The following PRKCE variants were observed in gnomAD, a reference collection of about 807,000 sequenced individuals.
PRKCE encodes protein kinase C epsilon.
A neutral mutation model predicts 85.4 loss-of-function variants in PRKCE; 16 were observed. The ratio of observed to expected loss-of-function variants is 0.19; its 90% CI spans 0.13 to 0.28. The LOEUF is 0.28. PRKCE is among the 10% of genes least tolerant of loss of function. The probability of loss-of-function intolerance (pLI) is 1.00; values close to 1 mark genes in which losing one functional copy is unlikely to be tolerated. For synonymous variants in PRKCE, 388 were observed against 371.5 expected (o/e 1.04, Z -0.51); for missense variants, 573 against 975.2 (o/e 0.59, Z 5.49).
intron 10 of PRKCE, among the ~76,000 whole-genome samples, chr2:46,018,479 A>G (rs934697224): frequency 6.6e-6 from 1 of 152,222 alleles, no homozygotes; most frequent in Admixed American, 6.5e-5. Context: ...CAAAAAAAAA[A>G]ATTTTTTTAA....
In PRKCE at chr2:45,843,049, G is replaced by A. The variant is rs1467365418; in HGVS notation, c.398G>A (p.Gly133Glu). 3.1e-6 allele frequency: 5 copies of A among 1,614,038 alleles called. No individual in the cohort carries two copies. The African/African-American group carries it at 6.7e-5, about 22-fold the overall frequency. ...GTGTATGTGATCATCGATCTCTCAG[G>A]GTCGTCGGGTGAAGGTAGGAGAGCG... ...GRVYVIIDLS[G>E]SSGEAPKDNE... The change falls in exon 2 of 15, where the codon GGG becomes GAG. Residue 133 changes from glycine (G) to glutamate (E), a missense_variant. Coordinates refer to ENST00000306156, the MANE Select transcript of PRKCE (RefSeq NM_005400.3).
At chr2:45,913,930 CA>C (rs1370610522) in intron 2 of PRKCE, among the ~76,000 whole-genome samples, 1 of 152,070 alleles carries the variant, frequency 6.6e-6, no homozygotes, top group Non-Finnish European at 1.5e-5. Flanking sequence ...CTTAGAAAAA[CA>C]AGAATTTGTA....
At chr2:45,732,793 GAAC>G (rs1328649156) in intron 1 of PRKCE, among the ~76,000 whole-genome samples, 6 of 152,116 alleles carry the variant, frequency 3.9e-5, no homozygotes, top group African/African-American at 9.6e-5. Flanking sequence ...TCTGACCACA[GAAC>G]AACAACAACA....
chr2:45,876,104 A>C (rs1465768521), intron 2 of PRKCE, among the ~76,000 whole-genome samples: 1 of 152,182 alleles, frequency 6.6e-6, no homozygotes, highest in Non-Finnish European at 1.5e-5. Flanking sequence ...GACATTACTG[A>C]GTACCTGTAT....
intron 1 of PRKCE, among the ~76,000 whole-genome samples, chr2:45,671,695 A>G (rs1192628819): frequency 2.0e-5 from 3 of 152,208 alleles, no homozygotes; most frequent in Non-Finnish European, 4.4e-5. Context: ...GCTATATAAT[A>G]AGAGATATTC....
At chr2:46,165,510 A>G (rs1678252180) in intron 14 of PRKCE, among the ~76,000 whole-genome samples, 1 of 152,238 alleles carries the variant, frequency 6.6e-6, no homozygotes, top group Non-Finnish European at 1.5e-5. Context: ...GATGCTGGAG[A>G]AAATCTCCAA....
At chr2:45,780,832 C>A (rs1192246061) in intron 1 of PRKCE, among the ~76,000 whole-genome samples, 2 of 152,214 alleles carry the variant, frequency 1.3e-5, no homozygotes, top group African/African-American at 4.8e-5. Flanking sequence ...TAACATGTTT[C>A]TATTTTCTAA....
chr2:45,795,862 T>C (rs1687397995), intron 1 of PRKCE, among the ~76,000 whole-genome samples: 1 of 152,206 alleles, frequency 6.6e-6, no homozygotes, highest in Admixed American at 6.5e-5. Flanking sequence ...CAGAGTTGTC[T>C]TCTGCAGGTT....
At chr2:46,130,087 T>C (rs1044753330) in intron 11 of PRKCE, among the ~76,000 whole-genome samples, 6 of 152,204 alleles carry the variant, frequency 3.9e-5, no homozygotes, top group African/African-American at 1.4e-4. Context: ...ATGACAGATT[T>C]TGTTCTTGTG....
chr2:46,115,098 G>C (rs1574506570), intron 11 of PRKCE, among the ~76,000 whole-genome samples: 1 of 152,158 alleles, frequency 6.6e-6, no homozygotes, highest in East Asian at 1.9e-4. Context: ...TGATGTTCCT[G>C]CTTGATCACA....
chr2:46,136,154 T>C (rs906258681), intron 11 of PRKCE, among the ~76,000 whole-genome samples: 1 of 152,152 alleles, frequency 6.6e-6, no homozygotes, highest in Non-Finnish European at 1.5e-5. Flanking sequence ...AGGAATTTGC[T>C]GTTATTTCTG....
chr2:45,677,839 A>G, intron 1 of PRKCE: 1 of 985,428 alleles, frequency 1.0e-6, no homozygotes, highest in Non-Finnish European at 1.2e-6. Context: ...CAGAGACACA[A>G]CCGCTTCAGA....
rs529429894 is a variant in PRKCE, at chr2:46,138,110, AT to A, written c.1593-6980del. ...ATTTTAAAAGTACATTGTTTAGGGA[AT>A]TTCCTTTCTTGTCATGTTGTGATTT... On this transcript the variant is annotated intron_variant, in intron 11 of 14. Coordinates refer to ENST00000306156, the MANE Select transcript of PRKCE (RefSeq NM_005400.3). The surrounding 1 kb of genome is among the most constrained non-coding windows in gnomAD (Gnocchi z 4.2). Among the ~76,000 whole-genome samples, 45 of 152,266 alleles carry A rather than the reference AT, an allele frequency of 3.0e-4. No individual in the cohort carries two copies. Among genetic ancestry groups the A allele is most frequent in the Middle Eastern group, 3.4e-3 (1 of 294 alleles).
At chr2:45,670,590 A>C (rs1488916386) in intron 1 of PRKCE, among the ~76,000 whole-genome samples, 1 of 152,226 alleles carries the variant, frequency 6.6e-6, no homozygotes, top group Non-Finnish European at 1.5e-5. Context: ...ATTGCCCCAG[A>C]ACACAGTTTC....
intron 2 of PRKCE, among the ~76,000 whole-genome samples, chr2:45,940,247 T>G (rs1160888154): frequency 6.6e-6 from 1 of 152,094 alleles, no homozygotes; most frequent in Non-Finnish European, 1.5e-5. Context: ...GAGGCCAGAT[T>G]AGGGGTAGCT....
intron 1 of PRKCE, among the ~76,000 whole-genome samples, chr2:45,680,211 G>A (rs184249408): frequency 2.6e-5 from 4 of 152,324 alleles, no homozygotes; most frequent in East Asian, 1.9e-4. Flanking sequence ...AACCTCCAGA[G>A]GTTAATAACT....
chr2:46,050,814 A>G (rs969615012), intron 10 of PRKCE, among the ~76,000 whole-genome samples: 2 of 152,136 alleles, frequency 1.3e-5, no homozygotes, highest in Non-Finnish European at 2.9e-5. Context: ...ATCTTCTCTC[A>G]TTTCCTTCAT....
intron 13 of PRKCE, among the ~76,000 whole-genome samples, chr2:46,153,822 T>C (rs1433381882): frequency 7.0e-6 from 1 of 142,956 alleles, no homozygotes; most frequent in Admixed American, 7.3e-5. Flanking sequence ...AGTCTCGCTC[T>C]GTCACCCAGG....
At chr2:46,102,959 G>C (rs553487045) in intron 11 of PRKCE, among the ~76,000 whole-genome samples, 121 of 152,240 alleles carry the variant, frequency 7.9e-4, no homozygotes, top group African/African-American at 2.8e-3. Flanking sequence ...TCTTTGCAAA[G>C]AAGTATTATA....
Sources: allele counts gnomAD v4.1 joint callset (sites outside exome capture counted in the v4.1 genomes callset), GRCh38; gene constraint gnomAD v4.1.1; non-coding constraint Gnocchi (gnomAD v3.1); transcripts MANE v1.5; gene names NCBI Gene and HGNC (gene_info 2026-07-23, HGNC 2026-07-21).